The following BTN3A3 variants were observed in gnomAD, a reference collection of about 807,000 sequenced individuals.
The protein encoded by BTN3A3 is butyrophilin 3.
BTN3A3 carries 39 observed loss-of-function variants against 43.2 expected under a neutral mutation model. The ratio of observed to expected loss-of-function variants is 0.90; its 90% CI spans 0.70 to 1.18. The LOEUF is 1.18. Among genes scored for constraint, BTN3A3 ranks in the 50% most tolerant of loss-of-function variants. BTN3A3 has a pLI of 0.00. For synonymous variants in BTN3A3, 255 were observed against 272.7 expected, an observed-to-expected ratio of 0.93 and a Z score of 0.64; for missense variants, 631 against 722.8, an observed-to-expected ratio of 0.87 and a Z score of 1.46.
chr6:26,444,558 C>T (rs189949428), intron 4 of BTN3A3: 295 of 625,352 alleles, frequency 4.7e-4, no homozygotes, highest in Admixed American at 2.6e-3. Flanking sequence ...AAATGAAGGA[C>T]GACGGATAGG....
intron 1 of BTN3A3, among the ~76,000 whole-genome samples, chr6:26,441,001 C>T (rs1762615496): frequency 6.6e-6 from 1 of 152,156 alleles, no homozygotes; most frequent in Non-Finnish European, 1.5e-5. Flanking sequence ...AAAAAAGTCG[C>T]TAAAATCTGT....
chr6:26,440,739 G>A (rs1762602021), intron 1 of BTN3A3, 91 bp downstream of exon 1: 1 of 153,270 alleles, frequency 6.5e-6, no homozygotes, highest in Non-Finnish European at 1.5e-5. Flanking sequence ...CATGCAGGGA[G>A]AGTACTTGCC....
chr6:26,448,208 G>A (rs1407723594), intron 5 of BTN3A3, 40 bp from the exon 6 acceptor site: 8 of 1,603,788 alleles, frequency 5.0e-6, no homozygotes, highest in African/African-American at 1.3e-5. Flanking sequence ...GGGAGGCTGA[G>A]TGCACTAGCT....
intron 5 of BTN3A3, among the ~76,000 whole-genome samples, chr6:26,447,718 A>C (rs1228638768): frequency 6.6e-6 from 1 of 152,132 alleles, no homozygotes; most frequent in Admixed American, 6.5e-5. Context: ...AGGCATTATC[A>C]TTACCCTCAT....
chr6:26,452,434 G>T lies in BTN3A3; in HGVS notation c.*23G>T. 2 of 1,563,234 alleles carry T rather than the reference G, an allele frequency of 1.3e-6. No homozygotes were observed. Among genetic ancestry groups the T allele is most frequent in the Admixed American group, 1.8e-5 (1 of 55,288 alleles). The stretch of plus-strand genomic sequence containing the variant: ...TGATATTCATTCCATTATTCCATAT[G>T]ACAGTTGTTTTGAGTTTCGTACCAC... On this transcript the variant is annotated 3_prime_UTR_variant, in exon 11 of 11. Coordinates refer to ENST00000244519, the MANE Select transcript of BTN3A3 (RefSeq NM_006994.5).
chr6:26,450,565 T>C (rs1762902868), intron 10 of BTN3A3, among the ~76,000 whole-genome samples: 1 of 152,242 alleles, frequency 6.6e-6, no homozygotes, highest in Non-Finnish European at 1.5e-5. Flanking sequence ...TCCACATTTT[T>C]AAATGAAAAT....
intron 5 of BTN3A3, 130 bp from the exon 6 acceptor site, chr6:26,448,118 G>A: frequency 9.4e-7 from 1 of 1,060,198 alleles, no homozygotes; most frequent in Non-Finnish European, 1.3e-6. Context: ...TTTAGGGACA[G>A]AACGCTTATT....
At chr6:26,447,924 T>C (rs773929056) in intron 5 of BTN3A3, among the ~76,000 whole-genome samples, 2 of 152,198 alleles carry the variant, frequency 1.3e-5, no homozygotes, top group African/African-American at 4.8e-5. Context: ...GAGAGTTGCA[T>C]AACTTTATGT....
At position 26,443,667 on chromosome 6, in the gene BTN3A3, A is replaced by T. The variant is rs574866467; in HGVS notation, c.85+8A>T. On this transcript the variant is annotated splice_region_variant and intron_variant, in intron 3 of 10. Transcript: ENST00000244519. ...TGCTCACTCCTTGCTCAGGTAGGGAATGATTCCATGATTCCACATTTATGT... is the reference window on the plus strand; with the variant it reads ...TGCTCACTCCTTGCTCAGGTAGGGATTGATTCCATGATTCCACATTTATGT... 9.9e-6 allele frequency: 16 copies of T among 1,613,038 alleles called. No homozygotes were observed. The East Asian group carries it at 1.1e-4, about 11-fold the overall frequency.
chr6:26,443,730 C>G (rs1581650932), intron 3 of BTN3A3, 71 bp downstream of exon 3: 1 of 1,553,340 alleles, frequency 6.4e-7, no homozygotes, highest in East Asian at 2.3e-5. Context: ...CCTAATTAAG[C>G]AGACAATTAC....
chr6:26,448,274 T>G lies in BTN3A3; in HGVS notation c.742T>G (p.Trp248Gly). The G allele has an allele frequency of 1.9e-6, 3 of 1,612,302 alleles. No homozygotes were observed. The highest frequency in any genetic ancestry group is 2.5e-6 in the Non-Finnish European group (3 of 1,179,672). The change falls in exon 6 of 11, where the codon TGG becomes GGG. Residue 248 changes from tryptophan (W) to glycine (G), a missense_variant. Transcript: ENST00000244519. ...CCCCTTCTTCAGGAGCGCCCAGCCC[T>G]GGATCGCGGCCCTGGCAGGGACCCT... ...ADPFFRSAQPWIAALAGTLPI... is the reference protein window; with the variant it reads ...ADPFFRSAQPGIAALAGTLPI...
At chr6:26,449,726 T>C in intron 9 of BTN3A3, 38 bp downstream of exon 9, 5 of 1,612,658 alleles carry the variant, frequency 3.1e-6, no homozygotes, top group African/African-American at 1.3e-5. Flanking sequence ...TGCTGGGTCA[T>C]GTACAATGAA....
chr6:26,448,554 T>G, intron 6 of BTN3A3, 63 bp from the exon 7 acceptor site: 1 of 1,612,594 alleles, frequency 6.2e-7, no homozygotes, highest in Non-Finnish European at 8.5e-7. Flanking sequence ...AGGTTTATTT[T>G]CCCAAAACCC....
In BTN3A3 at chr6:26,453,368, A is replaced by G. The variant is rs928229027; in HGVS notation, c.*957A>G. 1.3e-5 allele frequency: 2 copies of G among 152,034 alleles called. No individual in the cohort carries two copies. Among genetic ancestry groups the G allele is most frequent in the African/African-American group, 4.8e-5 (2 of 41,368 alleles). 9.4% of individuals were successfully genotyped at this position (152,034 alleles called of 1,614,324 possible). A position where few individuals can be genotyped will look rare whatever the true frequency, so the allele number is the denominator to read the frequency against. On this transcript the variant is annotated 3_prime_UTR_variant, in exon 11 of 11. Coordinates refer to ENST00000244519, the MANE Select transcript of BTN3A3 (RefSeq NM_006994.5). ...ACCACTGTATCCCCTCTACTTGGCA[A>G]GTGGTTGTCAAGTTCTAGTTGTTCA...
chr6:26,451,604 C>T lies in BTN3A3; in HGVS notation c.1019-71C>T. On this transcript the variant is annotated intron_variant, in intron 10 of 10. Transcript: ENST00000244519. ...AGGACCTCCTTAGCATGGTCCAGGC[C>T]TTGCATGCTGAGGCTCTGAAATCCA... 4.5e-6 allele frequency: 7 copies of T among 1,555,536 alleles called. 1 individual carries two copies. In the South Asian group the frequency reaches 7.5e-5, roughly 17 times the overall value.
chr6:26,450,465 C>T (rs1762899387), intron 10 of BTN3A3, among the ~76,000 whole-genome samples: 1 of 152,156 alleles, frequency 6.6e-6, no homozygotes, highest in African/African-American at 2.4e-5. Context: ...GGAGGTGATG[C>T]CTGCCCAAAG....
rs79652472 is a variant in BTN3A3 at position 26,449,674 on chromosome 6, C to T, written c.977C>T (p.Ser326Phe). The T allele has an allele frequency of 1.2e-6, 2 of 1,614,076 alleles. No homozygotes were observed. The highest frequency in any genetic ancestry group is 2.7e-5 in the African/African-American group (2 of 74,924). ...TCTTTCATTGTAGGTGGAGAGAAGT[C>T]TTTGGCCTATCATGGTGAGTGAGCC... The part of the protein sequence containing the change: ...KIQYMARGEK[S>F]LAYHEWKMAL... Residue 326 changes from serine to phenylalanine, a missense_variant, in exon 9 of 11, where the codon TCT becomes TTT. Physicochemically the swap from Ser to Phe is radical, Grantham distance 155 (BLOSUM62 -2). Transcript: ENST00000244519.
chr6:26,446,043 G>C, intron 5 of BTN3A3, 58 bp downstream of exon 5: 2 of 1,599,774 alleles, frequency 1.3e-6, no homozygotes, highest in Non-Finnish European at 1.7e-6. Context: ...GTGATGAAGG[G>C]GGATGTGTGA....
At chr6:26,445,066 G>T in intron 4 of BTN3A3, 1 of 160,158 alleles carries the variant, frequency 6.2e-6, no homozygotes, top group Non-Finnish European at 1.4e-5. Flanking sequence ...TTATTGTTGT[G>T]GTTTGTACAA....
Sources: gnomAD v4.1 joint callset for allele counts (sites outside exome capture counted in the v4.1 genomes callset) on GRCh38, gnomAD v4.1.1 for gene constraint, MANE v1.5 for transcripts, NCBI Gene and HGNC (gene_info 2026-07-23, HGNC 2026-07-21) for gene names.